The following SH2B1 variants were observed in gnomAD, a reference collection of about 807,000 sequenced individuals.
SH2B1 encodes the protein SH2B adapter protein 1.
Under a neutral mutation model 62.6 loss-of-function variants are expected in SH2B1, and 15 were observed. That is an observed-to-expected ratio of 0.24 (90% CI 0.16 to 0.37). SH2B1 has a LOEUF of 0.37. Ranked by LOEUF, SH2B1 falls within the 10% of genes least tolerant of loss-of-function variation. SH2B1 has a pLI of 1.00. For missense variants in SH2B1, 925 were observed against 1,015.6 expected, an observed-to-expected ratio of 0.91 and a Z score of 1.21; for synonymous variants, 443 against 438.0, an observed-to-expected ratio of 1.01 and a Z score of -0.14.
chr16:28,866,073 T>C lies in SH2B1; in HGVS notation c.-22T>C, dbSNP rs1962668300. On this transcript the variant is annotated 5_prime_UTR_variant, in exon 1 of 8. Coordinates refer to ENST00000684370, the MANE Select transcript of SH2B1 (RefSeq NM_001387430.1). This position sits in a 1 kb window ranked among gnomAD's most constrained non-coding sequence, Gnocchi z 6.3. ...CTCTTTGTGCCCCACAGGCTCCCCC[T>C]CTCCACCTCCTGGGGCCCATCATGA... 6.6e-7 allele frequency: 1 copy of C among 1,515,922 alleles called. No individual in the cohort carries two copies. Among genetic ancestry groups the C allele is most frequent in the East Asian group, 2.3e-5 (1 of 43,960 alleles). 93.9% of individuals were successfully genotyped at this position (1,515,922 alleles called of 1,614,324 possible). A position where few individuals can be genotyped will look rare whatever the true frequency, so the allele number is the denominator to read the frequency against.
Position 28,867,363 on chromosome 16 carries a change from T to C in SH2B1, c.972T>C (p.Ser324=), listed in dbSNP as rs1302712157. Residue 324 remains serine (S), a synonymous_variant, in exon 2 of 8, where the codon TCT becomes TCC. Transcript: ENST00000684370. ...GGCCCCGACTCAGCATCCCCTGCTCTTCTATCACAGACGTCCGGACAACCA... is the reference window on the plus strand; with the variant it reads ...GGCCCCGACTCAGCATCCCCTGCTCCTCTATCACAGACGTCCGGACAACCA... ...ASRPRLSIPC[S]SITDVRTTTA... The C allele has an allele frequency of 5.6e-6, 9 of 1,614,060 alleles. No homozygotes were observed. The highest frequency in any genetic ancestry group is 7.6e-6 in the Non-Finnish European group (9 of 1,180,024).
rs1305612564 is a variant in SH2B1 at position 28,853,937 on chromosome 16, G to A, written c.-301+7110G>A. On this transcript the variant is annotated intron_variant, in intron 1 of 10. Coordinates refer to the SH2B1 transcript ENST00000322610. ...AATGGCGTAAAACCCGGGAGGTGGA[G>A]CTTGCAGTGAGCCAAGATCGCACCA... Among the ~76,000 whole-genome samples the A allele has an allele frequency of 4.2e-5, 6 of 143,102 alleles. No individual in the cohort carries two copies. In the East Asian group the frequency reaches 1.3e-3, roughly 30 times the overall value. The allele number at this position is 143,102 out of a possible 152,430, so 93.9% of individuals were successfully genotyped here.
In SH2B1 at chr16:28,866,731, C is replaced by G. The variant is rs1962730261; in HGVS notation, c.637C>G (p.Leu213Val). Reference protein sequence around the residue: ...SGGAGTVGRGLVSDGTSPGER... With the variant: ...SGGAGTVGRGVVSDGTSPGER... ...CGGGGCTGGGACCGTTGGTAGGGGA[C>G]TGGTCAGTGATGGAACGTCCCCTGG... Residue 213 changes from leucine to valine, a missense_variant, in exon 1 of 8, where the codon CTG becomes GTG. Physicochemically the swap from Leu to Val is conservative, Grantham distance 32. Around this residue, in one of 3 missense-constraint regions of SH2B1, gnomAD observed 683 missense variants for 704.0 expected, o/e 0.97. Coordinates refer to ENST00000684370, the MANE Select transcript of SH2B1 (RefSeq NM_001387430.1). This position sits in a 1 kb window ranked among gnomAD's most constrained non-coding sequence, Gnocchi z 6.3. 6.3e-7 allele frequency: 1 copy of G among 1,583,720 alleles called. No individual in the cohort carries two copies. Among genetic ancestry groups the G allele is most frequent in the African/African-American group, 1.3e-5 (1 of 74,190 alleles).
chr16:28,851,249 G>GT (rs1191268998), intron 1 of SH2B1, among the ~76,000 whole-genome samples: 1 of 149,710 alleles, frequency 6.7e-6, no homozygotes, highest in Non-Finnish European at 1.5e-5. Flanking sequence ...ACATCTGAAC[G>GT]TGGGGCACCA....
rs200118693 is a variant in SH2B1, at chr16:28,866,465, G to C, written c.371G>C (p.Arg124Pro). The C allele has an allele frequency of 4.3e-6, 7 of 1,613,902 alleles. No homozygotes were observed. The highest frequency in any genetic ancestry group is 1.6e-4 in the Middle Eastern group (1 of 6,062). ...CCCCTGGCTGTGCTGGGCCCTTCTCGATCATCTGAGGACCTGGCCGGCCCC... is the reference window on the plus strand; with the variant it reads ...CCCCTGGCTGTGCTGGGCCCTTCTCCATCATCTGAGGACCTGGCCGGCCCC... ...GGPLAVLGPSRSSEDLAGPLP... is the reference protein window; with the variant it reads ...GGPLAVLGPSPSSEDLAGPLP... The change falls in exon 1 of 8, where the codon CGA (arginine) becomes CCA (proline). Residue 124 changes from arginine to proline, a missense_variant. This residue lies in a region of SH2B1 where 683 missense variants were observed against 704.0 expected (regional missense o/e 0.97). Coordinates refer to ENST00000684370, the MANE Select transcript of SH2B1 (RefSeq NM_001387430.1). This position sits in a 1 kb window ranked among gnomAD's most constrained non-coding sequence, Gnocchi z 6.3.
chr16:28,873,796 TAAC>T lies in SH2B1; in HGVS notation c.2251_2253del (p.Asn751del). 13 of 1,459,778 alleles carry T rather than the reference TAAC, an allele frequency of 8.9e-6. No individual in the cohort carries two copies. The highest frequency in any genetic ancestry group is 9.9e-6 in the Non-Finnish European group (11 of 1,108,524). The allele number at this position is 1,459,778 out of a possible 1,614,324, so 90.4% of individuals were successfully genotyped here. A position where few individuals can be genotyped will look rare whatever the true frequency, so the allele number is the denominator to read the frequency against. ...AGGAAGGGGGCCACCCCAGGGCCAT[TAAC>T]AACCAGTACTCCTTCGTGTGAGCCA... is the stretch of plus-strand genomic sequence containing the variant. On this transcript the variant is annotated inframe_deletion, in exon 8 of 8. Transcript: ENST00000684370. The surrounding 1 kb of genome is among the most constrained non-coding windows in gnomAD (Gnocchi z 4.2).
In SH2B1 at chr16:28,852,831, TATATATATAC is replaced by T. The variant is rs1342047455; in HGVS notation, c.-301+6014_-301+6023del. Among the ~76,000 whole-genome samples the T allele has an allele frequency of 2.5e-4, 7 of 27,732 alleles. 3 individuals carry two copies. The highest frequency in any genetic ancestry group is 1.0e-4 in the Non-Finnish European group (2 of 19,202). The allele number at this position is 27,732 out of a possible 152,430, so 18.2% of individuals were successfully genotyped here. A position where few individuals can be genotyped will look rare whatever the true frequency, so the allele number is the denominator to read the frequency against. On this transcript the variant is annotated intron_variant, in intron 1 of 10. Coordinates refer to the SH2B1 transcript ENST00000322610. ...TTACATATATTTACATATATATTTA[TATATATATAC>T]ATATATATATTTTTATATATATTTA...
upstream of SH2B1, chr16:28,863,497 GCTGGTTT>G: frequency 1.7e-6 from 1 of 597,624 alleles, no homozygotes; most frequent in South Asian, 2.2e-5. Flanking sequence ...TCATCATCTC[GCTGGTTT>G]CCGGTGCTCG....
In SH2B1 at chr16:28,869,396, C is replaced by G. The variant is rs767902354; in HGVS notation, c.1309+13C>G. The G allele has an allele frequency of 2.5e-6, 4 of 1,603,596 alleles. No homozygotes were observed. The highest frequency in any genetic ancestry group is 2.6e-6 in the Non-Finnish European group (3 of 1,172,328). ...CGCCTGTCGCAGGGTAAGGGTGGAG[C>G]CTTAGAGAGCTCGGAGCCTCGGAAC... is the stretch of plus-strand genomic sequence containing the variant. On this transcript the variant is annotated intron_variant, in intron 4 of 7. Coordinates refer to ENST00000684370, the MANE Select transcript of SH2B1 (RefSeq NM_001387430.1).
rs779249384 is a variant in SH2B1, at chr16:28,872,570, C to T, written c.1762C>T (p.Arg588Trp). 1.9e-6 allele frequency: 3 copies of T among 1,613,866 alleles called. No individual in the cohort carries two copies. The highest frequency in any genetic ancestry group is 1.1e-5 in the South Asian group (1 of 91,070). Residue 588 changes from arginine to tryptophan, a missense_variant, in exon 7 of 8, where the codon CGG becomes TGG. By Grantham distance (101) the Arg-to-Trp change is moderately radical. Transcript: ENST00000684370. The surrounding 1 kb of genome is among the most constrained non-coding windows in gnomAD (Gnocchi z 5.3). ...RLSLNEEGQC[R>W]VQHLWFQSIF... is the part of the protein sequence containing the mutation. ...GTCGCTGAACGAGGAGGGTCAGTGC[C>T]GGGTCCAGCACCTGTGGTTCCAGTC...
At position 28,873,317 on chromosome 16, in the gene SH2B1, G is replaced by T. The variant is rs117374029; in HGVS notation, c.1898-130G>T. The T allele has an allele frequency of 1.0e-4, 159 of 1,595,112 alleles. 1 individual carries two copies. In the East Asian group the frequency reaches 3.5e-3, roughly 35 times the overall value. On this transcript the variant is annotated intron_variant, in intron 7 of 7. Transcript: ENST00000684370. The surrounding 1 kb of genome is among the most constrained non-coding windows in gnomAD (Gnocchi z 4.2). ...CACCGCCCATGATCCATCTTCCATG[G>T]ATGGGGGGTTGCTCAGGAGATGGGA...
At position 28,865,287 on chromosome 16, in the gene SH2B1, C is replaced by T; in HGVS notation, c.-808C>T. 1 of 985,676 alleles carries T rather than the reference C, an allele frequency of 1.0e-6. No individual in the cohort carries two copies. The highest frequency in any genetic ancestry group is 1.2e-6 in the Non-Finnish European group (1 of 829,972). 61.1% of individuals were successfully genotyped at this position (985,676 alleles called of 1,614,324 possible). On this transcript the variant is annotated 5_prime_UTR_variant, in exon 1 of 8. Coordinates refer to ENST00000684370, the MANE Select transcript of SH2B1 (RefSeq NM_001387430.1). ...GAAGTGGGCTGTAGCTATTTCACAT[C>T]TCCTTCACGCAGTGCGTGGGTGCTG... is the stretch of plus-strand genomic sequence containing the variant.
chr16:28,847,790 C>G (rs1038205494), intron 1 of SH2B1, among the ~76,000 whole-genome samples: 1 of 150,946 alleles, frequency 6.6e-6, no homozygotes, highest in African/African-American at 2.4e-5. Flanking sequence ...CTGCACCCCA[C>G]CGTGAGTGAC....
In SH2B1 at chr16:28,863,874, T is replaced by TG; in HGVS notation, c.-2216dup. 1 of 1,513,232 alleles carries TG rather than the reference T, an allele frequency of 6.6e-7. No homozygotes were observed. Among genetic ancestry groups the TG allele is most frequent in the Non-Finnish European group, 8.8e-7 (1 of 1,136,976 alleles). 93.7% of individuals were successfully genotyped at this position (1,513,232 alleles called of 1,614,324 possible). A position where few individuals can be genotyped will look rare whatever the true frequency, so the allele number is the denominator to read the frequency against. On this transcript the variant is annotated 5_prime_UTR_variant, in exon 1 of 8. Transcript: ENST00000684370. ...GGCTGGGCGCTCGTCGCGTAGTGGG[T>TG]GGGGGCGCAGGGAGCGGGAGCCGCC...
At chr16:28,863,715 C>G (rs762564790), upstream of SH2B1, 1 of 1,535,684 alleles carries the variant, frequency 6.5e-7, no homozygotes, top group Non-Finnish European at 8.7e-7. Context: ...ACACCGTCTT[C>G]GGTCTCCTGG....
At position 28,873,453 on chromosome 16, in the gene SH2B1, C is replaced by T. The variant is rs1407346738; in HGVS notation, c.1904C>T (p.Thr635Ile). 1 of 1,567,610 alleles carries T rather than the reference C, an allele frequency of 6.4e-7. No individual in the cohort carries two copies. Among genetic ancestry groups the T allele is most frequent in the Non-Finnish European group, 8.6e-7 (1 of 1,163,248 alleles). Residue 635 changes from threonine (T) to isoleucine (I), a missense_variant, in exon 8 of 8, where the codon ACC (threonine) becomes ATC (isoleucine). This residue lies in a region of SH2B1 where 185 missense variants were observed against 189.5 expected (regional missense o/e 0.98). Coordinates refer to ENST00000684370, the MANE Select transcript of SH2B1 (RefSeq NM_001387430.1). The surrounding 1 kb of genome is among the most constrained non-coding windows in gnomAD (Gnocchi z 4.2). Reference protein sequence around the residue: ...VPSSQRQQEPTTSHDPPQPPE... With the variant: ...VPSSQRQQEPITSHDPPQPPE... The stretch of plus-strand genomic sequence containing the variant: ...TCTTACCATTCCTATCCAGAACCGA[C>T]CACCTCCCATGACCCACCCCAGCCC...
intron 4 of SH2B1, among the ~76,000 whole-genome samples, chr16:28,871,359 C>T (rs977158507): frequency 6.6e-5 from 10 of 152,142 alleles, no homozygotes; most frequent in East Asian, 3.9e-4. Context: ...GGCAGCTGGG[C>T]ACGGTGGCTC....
At chr16:28,859,732 AAAAG>A (rs968292955), upstream of SH2B1, among the ~76,000 whole-genome samples, 23 of 152,132 alleles carry the variant, frequency 1.5e-4, no homozygotes, top group East Asian at 3.1e-3. Flanking sequence ...GAGAGAGAGA[AAAAG>A]AAAGAAAGTC....
Position 28,865,076 on chromosome 16 carries a change from C to G in SH2B1, c.-1019C>G. The G allele has an allele frequency of 1.0e-5, 10 of 985,446 alleles. No individual in the cohort carries two copies. The highest frequency in any genetic ancestry group is 1.2e-5 in the Non-Finnish European group (10 of 829,918). 61.0% of individuals were successfully genotyped at this position (985,446 alleles called of 1,614,324 possible). On this transcript the variant is annotated 5_prime_UTR_variant, in exon 1 of 8. Coordinates refer to ENST00000684370, the MANE Select transcript of SH2B1 (RefSeq NM_001387430.1). ...TCTGACTCAAGTCCATGGCCTTAAC[C>G]AGAAGGCTAACCTGCCTTTAGGGCA...
Sources: allele counts gnomAD v4.1 joint callset (sites outside exome capture counted in the v4.1 genomes callset), GRCh38; gene constraint gnomAD v4.1.1; regional missense constraint gnomAD v4.1.1; non-coding constraint Gnocchi (gnomAD v3.1); transcripts MANE v1.5; gene names NCBI Gene and HGNC (gene_info 2026-07-23, HGNC 2026-07-21).